The following GSK3B variants were observed in gnomAD, a reference collection of about 807,000 sequenced individuals.
GSK3B encodes glycogen synthase kinase-3 beta.
A neutral mutation model predicts 56.4 loss-of-function variants in GSK3B; 15 were observed. The observed-to-expected ratio is 0.27, with a 90% CI of 0.18 to 0.41. The LOEUF (loss-of-function observed/expected upper bound fraction) is 0.41, where lower values mean the gene tolerates loss of function less well. Among genes scored for constraint, GSK3B ranks in the 10% least tolerant of loss-of-function variants. GSK3B has a pLI of 1.00. For missense variants in GSK3B, 300 were observed against 513.4 expected (o/e 0.58, Z 4.02); for synonymous variants, 181 against 188.9 (o/e 0.96, Z 0.34).
intron 1 of GSK3B, chr3:120,029,701 T>A: frequency 7.5e-6 from 4 of 532,810 alleles, no homozygotes; most frequent in Non-Finnish European, 1.5e-5. Context: ...GAAATCTTCA[T>A]GGGATGGAAA....
At chr3:120,068,568 C>T (rs980827795) in intron 1 of GSK3B, among the ~76,000 whole-genome samples, 5 of 150,662 alleles carry the variant, frequency 3.3e-5, no homozygotes, top group East Asian at 2.0e-4. Flanking sequence ...AGTATGTTGG[C>T]GCACACCTGT....
intron 10 of GSK3B, among the ~76,000 whole-genome samples, chr3:119,838,064 G>C (rs1445351073): frequency 6.6e-6 from 1 of 151,310 alleles, no homozygotes; most frequent in Non-Finnish European, 1.5e-5. Flanking sequence ...AAGGCAGGCA[G>C]ATCACTTGAG....
At chr3:119,991,996 T>C (rs2057570646) in intron 2 of GSK3B, among the ~76,000 whole-genome samples, 2 of 152,102 alleles carry the variant, frequency 1.3e-5, no homozygotes, top group Non-Finnish European at 2.9e-5. Context: ...GGAAAAATAT[T>C]TCTTATTCCT....
chr3:119,995,832 G>A (rs2057611901), intron 2 of GSK3B, among the ~76,000 whole-genome samples: 1 of 151,484 alleles, frequency 6.6e-6, no homozygotes, highest in South Asian at 2.1e-4. Context: ...CTGCCTCCCA[G>A]GTTCAAGTAA....
At chr3:119,853,434 G>A (rs1318886310) in intron 9 of GSK3B, among the ~76,000 whole-genome samples, 2 of 152,206 alleles carry the variant, frequency 1.3e-5, no homozygotes, top group African/African-American at 4.8e-5. Flanking sequence ...GAACTTTAAA[G>A]TAGTTCTTTC....
chr3:119,984,506 T>G (rs532168353), intron 2 of GSK3B, among the ~76,000 whole-genome samples: 2,752 of 151,078 alleles, frequency 0.018, 89 homozygotes, highest in African/African-American at 0.063. Context: ...GAATCAAATA[T>G]ACGCAATAAA....
chr3:120,006,665 C>G (rs1229084546), intron 1 of GSK3B, among the ~76,000 whole-genome samples: 1 of 152,162 alleles, frequency 6.6e-6, no homozygotes. Context: ...TGAATGACTA[C>G]TTGGTAAATA....
At chr3:120,049,576 C>G (rs2058130784) in intron 1 of GSK3B, among the ~76,000 whole-genome samples, 1 of 152,126 alleles carries the variant, frequency 6.6e-6, no homozygotes, top group Admixed American at 6.5e-5. Flanking sequence ...GCCTTCTGAA[C>G]AGAAGACAAA....
intron 1 of GSK3B, among the ~76,000 whole-genome samples, chr3:120,040,545 G>GC (rs1282506971): frequency 6.6e-6 from 1 of 152,032 alleles, no homozygotes; most frequent in Non-Finnish European, 1.5e-5. Context: ...GCCTTAACAA[G>GC]CCCCCAGAGA....
intron 3 of GSK3B, among the ~76,000 whole-genome samples, chr3:119,927,253 A>G (rs903075053): frequency 6.6e-6 from 1 of 152,260 alleles, no homozygotes; most frequent in Non-Finnish European, 1.5e-5. Context: ...GCTTGAAGAA[A>G]AAAATTAGAT....
At chr3:119,869,223 C>CAAAAAAAAA (rs67194724) in intron 8 of GSK3B, among the ~76,000 whole-genome samples, 17 of 54,818 alleles carry the variant, frequency 3.1e-4, no homozygotes, top group South Asian at 1.1e-3. Context: ...GATTCCATCT[C>CAAAAAAAAA]AAAAAAAAAA....
chr3:119,882,571 C>G (rs913096123), intron 7 of GSK3B, among the ~76,000 whole-genome samples: 1 of 152,130 alleles, frequency 6.6e-6, no homozygotes, highest in African/African-American at 2.4e-5. Flanking sequence ...TATCAGTACA[C>G]ATCAGCATGC....
chr3:120,017,121 T>C (rs567006721), intron 1 of GSK3B, among the ~76,000 whole-genome samples: 7 of 152,178 alleles, frequency 4.6e-5, no homozygotes, highest in Admixed American at 3.3e-4. Flanking sequence ...GACACTATAT[T>C]TAAATTTTTC....
At chr3:120,020,318 G>A (rs1456100399) in intron 1 of GSK3B, among the ~76,000 whole-genome samples, 1 of 152,110 alleles carries the variant, frequency 6.6e-6, no homozygotes, top group Non-Finnish European at 1.5e-5. Context: ...ATGCCTAAGA[G>A]AAAAATATAT....
chr3:119,915,341 A>G (rs1176584029), intron 5 of GSK3B, among the ~76,000 whole-genome samples: 2 of 152,098 alleles, frequency 1.3e-5, no homozygotes, highest in East Asian at 3.8e-4. Context: ...ATAATAATCA[A>G]TATTTTGAAA....
chr3:119,824,410 C>T lies in GSK3B; in HGVS notation c.*2378G>A, dbSNP rs1397320276. 9.2e-6 allele frequency: 2 copies of T among 217,322 alleles called. No homozygotes were observed. The highest frequency in any genetic ancestry group is 1.9e-5 in the Non-Finnish European group (2 of 108,036). 13.5% of individuals were successfully genotyped at this position (217,322 alleles called of 1,614,324 possible). On this transcript the variant is annotated 3_prime_UTR_variant, in exon 11 of 11. Coordinates refer to ENST00000264235, the MANE Select transcript of GSK3B (RefSeq NM_001146156.2). ...AGCGTGACTTTTCTCTCTTCTTTTA[C>T]CCCAGTTGTGGGGGGCAACCTGTTT...
intron 1 of GSK3B, 83 bp downstream of exon 1, chr3:120,093,264 A>G: frequency 1.1e-6 from 1 of 921,728 alleles, no homozygotes; most frequent in Non-Finnish European, 1.8e-6. Flanking sequence ...CAGGAGGTCT[A>G]ATAATTTCAG....
At chr3:120,070,142 G>C (rs1421412790) in intron 1 of GSK3B, among the ~76,000 whole-genome samples, 6 of 151,912 alleles carry the variant, frequency 3.9e-5, no homozygotes, top group Admixed American at 1.3e-4. Context: ...GAACCCAGGA[G>C]GTGGAAGCTG....
At chr3:119,915,612 A>T (rs977845834) in intron 5 of GSK3B, among the ~76,000 whole-genome samples, 1 of 152,044 alleles carries the variant, frequency 6.6e-6, no homozygotes, top group Non-Finnish European at 1.5e-5. Flanking sequence ...CATACAATAC[A>T]TATACTCTTG....
Sources: gnomAD v4.1 joint callset for allele counts (sites outside exome capture counted in the v4.1 genomes callset) on GRCh38, gnomAD v4.1.1 for gene constraint, MANE v1.5 for transcripts, NCBI Gene and HGNC (gene_info 2026-07-23, HGNC 2026-07-21) for gene names.